The following CALN1 variants were observed in gnomAD, a reference collection of about 807,000 sequenced individuals.
CALN1 encodes calcium-binding protein 8.
In CALN1, 17 loss-of-function variants were observed where a neutral mutation model predicts 30.6. That is an observed-to-expected ratio of 0.56 (90% confidence interval 0.38 to 0.83). The LOEUF (loss-of-function observed/expected upper bound fraction) is 0.83. Ranked by LOEUF, CALN1 falls within the 40% of genes least tolerant of loss-of-function variation. The probability of loss-of-function intolerance (pLI) is 0.00; values close to 1 mark genes in which losing one functional copy is unlikely to be tolerated. For missense variants in CALN1, 291 were observed against 354.9 expected (o/e 0.82, Z 1.45); for synonymous variants, 156 against 131.4 (o/e 1.19, Z -1.28).
At chr7:72,353,376 C>T (rs1290918285) in intron 2 of CALN1, among the ~76,000 whole-genome samples, 1 of 152,072 alleles carries the variant, frequency 6.6e-6, no homozygotes, top group Non-Finnish European at 1.5e-5. Flanking sequence ...GATAAGACAT[C>T]TTGACAAGGT....
intron 3 of CALN1, among the ~76,000 whole-genome samples, chr7:72,111,911 G>A (rs574975237): frequency 2.3e-4 from 35 of 151,966 alleles, no homozygotes; most frequent in Admixed American, 1.7e-3. Flanking sequence ...CCATCACGAC[G>A]GCTAATTTTT....
intron 2 of CALN1, among the ~76,000 whole-genome samples, chr7:72,361,947 T>C (rs1043926868): frequency 1.7e-4 from 26 of 152,200 alleles, no homozygotes; most frequent in Admixed American, 1.2e-3. Flanking sequence ...TGACACATTT[T>C]TTTCTTACGC....
At chr7:71,804,232 G>A (rs920054040) in intron 6 of CALN1, among the ~76,000 whole-genome samples, 1 of 152,140 alleles carries the variant, frequency 6.6e-6, no homozygotes, top group Non-Finnish European at 1.5e-5. Flanking sequence ...ACATGGGCCC[G>A]CCACAGTGGC....
chr7:72,259,330 T>A (rs140473968), intron 3 of CALN1, among the ~76,000 whole-genome samples: 3 of 152,190 alleles, frequency 2.0e-5, no homozygotes, highest in African/African-American at 7.2e-5. Flanking sequence ...GAAATCAATA[T>A]GCAAGAACCC....
chr7:71,975,374 A>G (rs2129526706), intron 5 of CALN1, among the ~76,000 whole-genome samples: 1 of 152,238 alleles, frequency 6.6e-6, no homozygotes, highest in East Asian at 1.9e-4. Context: ...GGCACAATCC[A>G]TATCCAATAT....
At chr7:71,885,543 T>C (rs1479967013) in intron 5 of CALN1, among the ~76,000 whole-genome samples, 1 of 152,258 alleles carries the variant, frequency 6.6e-6, no homozygotes, top group East Asian at 1.9e-4. Context: ...CGTGGGCACA[T>C]GTTCTCAGGA....
At chr7:71,888,957 G>A (rs1039813845) in intron 5 of CALN1, among the ~76,000 whole-genome samples, 1 of 152,208 alleles carries the variant, frequency 6.6e-6, no homozygotes. Context: ...CCAGGCCACC[G>A]CTGAGGAGGG....
At chr7:71,899,167 C>T (rs6956922) in intron 5 of CALN1, among the ~76,000 whole-genome samples, 24,075 of 139,458 alleles carry the variant, frequency 0.17, 2,310 homozygotes, top group Non-Finnish European at 0.22. Flanking sequence ...TTTTTTGAGA[C>T]GGAGTTTCAC....
chr7:72,097,146 C>G (rs986355628), intron 4 of CALN1, among the ~76,000 whole-genome samples: 8 of 152,036 alleles, frequency 5.3e-5, no homozygotes, highest in African/African-American at 1.7e-4. Flanking sequence ...ATATCACACA[C>G]CGGGGCCTGT....
At chr7:72,471,625 C>A in the CALN1 span, among the ~76,000 whole-genome samples, 1 of 152,210 alleles carries the variant, frequency 6.6e-6, no homozygotes, top group African/African-American at 2.4e-5. Context: ...GCCTCAATCA[C>A]ATGCCTGCCT....
At chr7:72,202,436 C>T (rs1004014756) in intron 3 of CALN1, among the ~76,000 whole-genome samples, 1 of 152,032 alleles carries the variant, frequency 6.6e-6, no homozygotes, top group African/African-American at 2.4e-5. Context: ...TTAGAAAAAT[C>T]ATGTTCTATA....
chr7:72,031,209 C>T (rs1801415377), intron 4 of CALN1, among the ~76,000 whole-genome samples: 1 of 152,152 alleles, frequency 6.6e-6, no homozygotes, highest in South Asian at 2.1e-4. Context: ...CTGATCCCAG[C>T]TTTTCTTACC....
chr7:72,151,224 G>A (rs1345461155), intron 3 of CALN1, among the ~76,000 whole-genome samples: 2 of 152,058 alleles, frequency 1.3e-5, no homozygotes, highest in Non-Finnish European at 2.9e-5. Context: ...AAGGGCCTTG[G>A]GCAAGAATCT....
At chr7:72,069,119 G>A (rs1238885056) in intron 4 of CALN1, among the ~76,000 whole-genome samples, 3 of 152,256 alleles carry the variant, frequency 2.0e-5, no homozygotes, top group East Asian at 3.9e-4. Flanking sequence ...ACACAGAGAG[G>A]GCAAGTGACA....
chr7:72,220,378 T>G (rs900473762), intron 3 of CALN1, among the ~76,000 whole-genome samples: 2 of 152,028 alleles, frequency 1.3e-5, no homozygotes, highest in Non-Finnish European at 2.9e-5. Context: ...AACTCATCAT[T>G]TTTTTATGGC....
Position 72,318,967 on chromosome 7 carries a change from C to T in CALN1, c.120-40157G>A, listed in dbSNP as rs543014596. ...AAATGAGCACAACCTCTATGGAAAA[C>T]AATATGAAGATTTCTCAAAGAACTG... On this transcript the variant is annotated intron_variant, in intron 2 of 6. Coordinates refer to ENST00000395275, the MANE Select transcript of CALN1 (RefSeq NM_031468.4). 2.6e-5 allele frequency among the ~76,000 whole-genome samples: 4 copies of T among 151,634 alleles called. No individual in the cohort carries two copies. The East Asian group carries it at 7.7e-4, about 29-fold the overall frequency.
chr7:72,334,092 T>G (rs1801846242), intron 2 of CALN1, among the ~76,000 whole-genome samples: 1 of 152,158 alleles, frequency 6.6e-6, no homozygotes, highest in South Asian at 2.1e-4. Context: ...TCCCTTTGCA[T>G]CAGTTTCCAA....
At chr7:71,817,030 T>C (rs561817966) in intron 5 of CALN1, among the ~76,000 whole-genome samples, 1 of 152,246 alleles carries the variant, frequency 6.6e-6, no homozygotes, top group African/African-American at 2.4e-5. Flanking sequence ...GGTATATATT[T>C]AGTATTAGGA....
At chr7:72,401,749 G>A (rs1806354271) in intron 2 of CALN1, among the ~76,000 whole-genome samples, 1 of 152,208 alleles carries the variant, frequency 6.6e-6, no homozygotes, top group African/African-American at 2.4e-5. Flanking sequence ...AGTGTGTTGA[G>A]CAAAAAGATT....
Sources: allele counts gnomAD v4.1 joint callset (sites outside exome capture counted in the v4.1 genomes callset), GRCh38; gene constraint gnomAD v4.1.1; transcripts MANE v1.5; gene names NCBI Gene and HGNC (gene_info 2026-07-23, HGNC 2026-07-21).